Variants in LONP2 observed in about 807,000 individuals in gnomAD.
The protein encoded by LONP2 is lon peptidase 2, peroxisomal, also known as lon protease homolog 2, peroxisomal.
Under a neutral mutation model 85.6 loss-of-function variants are expected in LONP2, and 60 were observed. The ratio of observed to expected loss-of-function variants is 0.70; its 90% CI spans 0.57 to 0.87. The LOEUF is 0.87. Ranked by LOEUF, LONP2 falls within the 40% of genes least tolerant of loss-of-function variation. The pLI is 0.00. For missense variants in LONP2, 860 were observed against 1,063.5 expected (o/e 0.81, Z 2.66); for synonymous variants, 395 against 389.7 (o/e 1.01, Z -0.16).
At position 48,362,930 on chromosome 16, in the gene LONP2, C is replaced by T. The variant is rs1256026444; in HGVS notation, c.*1067C>T. On this transcript the variant is annotated 3_prime_UTR_variant, in exon 5 of 5. Transcript: ENST00000565867. This position sits in a 1 kb window ranked among gnomAD's most constrained non-coding sequence, Gnocchi z 4.2. ...GTCTGCATCCGAGGACTTCACCAGC[C>T]ATGGATTGAAAATATTCAGAAAAAT... 1 of 166,110 alleles carries T rather than the reference C, an allele frequency of 6.0e-6. No homozygotes were observed. The highest frequency in any genetic ancestry group is 1.9e-4 in the East Asian group (1 of 5,214). 10.3% of individuals were successfully genotyped at this position (166,110 alleles called of 1,614,324 possible).
chr16:48,261,411 C>T lies in LONP2; in HGVS notation c.724-13C>T. The T allele has an allele frequency of 6.5e-7, 1 of 1,546,592 alleles. No individual in the cohort carries two copies. On this transcript the variant is annotated splice_polypyrimidine_tract_variant and intron_variant, in intron 4 of 14. Coordinates refer to ENST00000285737, the MANE Select transcript of LONP2 (RefSeq NM_031490.5). ...TTTGACATACGGTTTTACTTTTCTGCTTTCTATGTTAGGTTATAGCAATAC... is the reference window on the plus strand; with the variant it reads ...TTTGACATACGGTTTTACTTTTCTGTTTTCTATGTTAGGTTATAGCAATAC...
intron 12 of LONP2, among the ~76,000 whole-genome samples, chr16:48,343,248 ACG>A (rs1477809650): frequency 3.9e-5 from 6 of 152,184 alleles, no homozygotes; most frequent in African/African-American, 1.2e-4. Flanking sequence ...ATGGGTCTAT[ACG>A]TGTTGATCTA....
At position 48,258,672 on chromosome 16, in the gene LONP2, G is replaced by C. The variant is rs771762113; in HGVS notation, c.655G>C (p.Val219Leu). 52 of 1,611,638 alleles carry C rather than the reference G, an allele frequency of 3.2e-5. No homozygotes were observed. The highest frequency in any genetic ancestry group is 3.6e-5 in the Non-Finnish European group (43 of 1,179,050). The change falls in exon 4 of 15, where the codon GTC (valine) becomes CTC (leucine). Residue 219 changes from valine (V) to leucine (L), a missense_variant. By Grantham distance (32) the Val-to-Leu change is conservative. Coordinates refer to ENST00000285737, the MANE Select transcript of LONP2 (RefSeq NM_031490.5). The stretch of plus-strand genomic sequence containing the variant: ...GTTCAAGATGACTATACCACTGCTT[G>C]TCAGACAAATTGAAGGCCTGAAATT... ...ERFKMTIPLL[V>L]RQIEGLKLLQ...
chr16:48,290,784 C>T (rs1226078474), intron 8 of LONP2, among the ~76,000 whole-genome samples: 1 of 152,122 alleles, frequency 6.6e-6, no homozygotes, highest in African/African-American at 2.4e-5. Context: ...GTCACATAGG[C>T]CTGATTGATT....
intron 14 of LONP2, among the ~76,000 whole-genome samples, chr16:48,349,185 T>C (rs1373975819): frequency 7.0e-6 from 1 of 142,784 alleles, no homozygotes; most frequent in Non-Finnish European, 1.5e-5. Context: ...AGTATTAGTC[T>C]ACAACAGACT....
In LONP2 at chr16:48,356,783, C is replaced by G; in HGVS notation, c.*4981C>G. 1 of 265,236 alleles carries G rather than the reference C, an allele frequency of 3.8e-6. No individual in the cohort carries two copies. The highest frequency in any genetic ancestry group is 7.7e-6 in the Non-Finnish European group (1 of 129,414). The allele number at this position is 265,236 out of a possible 1,614,324, so 16.4% of individuals were successfully genotyped here. A position where few individuals can be genotyped will look rare whatever the true frequency, so the allele number is the denominator to read the frequency against. ...AAAACAATTTTAGGAAAAGCTTTGTCATGAAAATTCATTTCTTTGGAAATA... is the reference window on the plus strand; with the variant it reads ...AAAACAATTTTAGGAAAAGCTTTGTGATGAAAATTCATTTCTTTGGAAATA... On this transcript the variant is annotated 3_prime_UTR_variant, in exon 15 of 15. Coordinates refer to ENST00000285737, the MANE Select transcript of LONP2 (RefSeq NM_031490.5).
At chr16:48,360,259 A>G (rs535641185), downstream of LONP2, among the ~76,000 whole-genome samples, 1 of 152,208 alleles carries the variant, frequency 6.6e-6, no homozygotes, top group Admixed American at 6.5e-5. Flanking sequence ...AATTTATTAT[A>G]TCATTGTGCT....
At chr16:48,341,168 C>T (rs1007061923) in intron 12 of LONP2, among the ~76,000 whole-genome samples, 2 of 152,004 alleles carry the variant, frequency 1.3e-5, no homozygotes, top group Admixed American at 6.6e-5. Flanking sequence ...GGCGTGGTGG[C>T]GCACACCTGT....
intron 1 of LONP2, among the ~76,000 whole-genome samples, chr16:48,248,307 G>C (rs1007121188): frequency 1.4e-5 from 2 of 146,762 alleles, no homozygotes; most frequent in African/African-American, 5.0e-5. Context: ...TTTTTTTTTG[G>C]TGGAGACGGG....
At chr16:48,275,581 G>C (rs542461999) in intron 7 of LONP2, among the ~76,000 whole-genome samples, 1 of 152,226 alleles carries the variant, frequency 6.6e-6, no homozygotes, top group South Asian at 2.1e-4. Context: ...GTCAGAAAAA[G>C]TTTCTTAGAA....
chr16:48,330,662 G>T (rs1166046867), intron 11 of LONP2, among the ~76,000 whole-genome samples: 1 of 152,152 alleles, frequency 6.6e-6, no homozygotes, highest in Non-Finnish European at 1.5e-5. Flanking sequence ...CTCACACTTT[G>T]CATTACACAC....
chr16:48,262,057 A>C (rs1971890574), intron 5 of LONP2, among the ~76,000 whole-genome samples: 1 of 152,168 alleles, frequency 6.6e-6, no homozygotes, highest in Non-Finnish European at 1.5e-5. Flanking sequence ...TTGAATGCTT[A>C]GTGACTTAAT....
intron 12 of LONP2, among the ~76,000 whole-genome samples, chr16:48,336,064 G>C (rs539822617): frequency 1.5e-3 from 222 of 152,302 alleles, no homozygotes; most frequent in African/African-American, 5.0e-3. Context: ...AGGCTTACCA[G>C]AAAAGTACAT....
rs1960219857 is a variant in LONP2 at position 48,353,483 on chromosome 16, T to G, written c.*1681T>G. 1 of 119,178 alleles carries G rather than the reference T, an allele frequency of 8.4e-6. No individual in the cohort carries two copies. Among genetic ancestry groups the G allele is most frequent in the East Asian group, 2.3e-4 (1 of 4,348 alleles). 7.4% of individuals were successfully genotyped at this position (119,178 alleles called of 1,614,324 possible). On this transcript the variant is annotated 3_prime_UTR_variant, in exon 15 of 15. Transcript: ENST00000285737. ...CACTCCAGCACCCTGGGCGACAGAGTGAGACCCTGTCTCAAAAAAAAAAAA... is the reference window on the plus strand; with the variant it reads ...CACTCCAGCACCCTGGGCGACAGAGGGAGACCCTGTCTCAAAAAAAAAAAA...
chr16:48,284,675 CTT>C (rs1477987545), intron 8 of LONP2, among the ~76,000 whole-genome samples: 2 of 152,026 alleles, frequency 1.3e-5, no homozygotes. Context: ...GTAAACATAA[CTT>C]TTATATGCAC....
rs75987974 is a variant in LONP2 at position 48,362,959 on chromosome 16, T to C, written c.*1096T>C. The C allele has an allele frequency of 0.063, 10,374 of 165,776 alleles. 382 individuals are homozygous for C. The highest frequency in any genetic ancestry group is 0.15 in the Middle Eastern group (43 of 294). 10.3% of individuals were successfully genotyped at this position (165,776 alleles called of 1,614,324 possible). A position where few individuals can be genotyped will look rare whatever the true frequency, so the allele number is the denominator to read the frequency against. On this transcript the variant is annotated 3_prime_UTR_variant, in exon 5 of 5. Transcript: ENST00000565867. The surrounding 1 kb of genome is among the most constrained non-coding windows in gnomAD (Gnocchi z 4.2). ...GATTGAAAATATTCAGAAAAATTTA[T>C]AAAGAATACAAAATTTTTAAAATAC...
intron 6 of LONP2, among the ~76,000 whole-genome samples, chr16:48,264,951 T>G (rs1009432459): frequency 3.9e-5 from 6 of 152,090 alleles, no homozygotes; most frequent in Non-Finnish European, 7.4e-5. Flanking sequence ...ATGATGGTTT[T>G]TTTGTTTGTT....
In LONP2 at chr16:48,338,134, G is replaced by A. The variant is rs541243644; in HGVS notation, c.1938+3776G>A. Among the ~76,000 whole-genome samples the A allele has an allele frequency of 3.3e-5, 5 of 152,208 alleles. No individual in the cohort carries two copies. The South Asian group carries it at 1.0e-3, about 32-fold the overall frequency. On this transcript the variant is annotated intron_variant, in intron 12 of 14. Transcript: ENST00000285737. ...ATACCTTTTTTTTGTCTAAATGCCT[G>A]TATTCTCCCTTAGGGTAAATTACAG...
chr16:48,293,134 T>C (rs1431758027), intron 8 of LONP2, among the ~76,000 whole-genome samples: 1 of 152,154 alleles, frequency 6.6e-6, no homozygotes, highest in Non-Finnish European at 1.5e-5. Context: ...CATTAAAGAA[T>C]AGAATTTTTT....
Sources: gnomAD v4.1 joint callset for allele counts (sites outside exome capture counted in the v4.1 genomes callset) on GRCh38, gnomAD v4.1.1 for gene constraint, Gnocchi (gnomAD v3.1) non-coding constraint, MANE v1.5 for transcripts, NCBI Gene and HGNC (gene_info 2026-07-23, HGNC 2026-07-21) for gene names.